Variants in CDC73 observed in about 807,000 individuals in gnomAD.
The protein encoded by CDC73 is parafibromin.
In CDC73, 21 loss-of-function variants were observed where a neutral mutation model predicts 83.7. The ratio of observed to expected loss-of-function variants is 0.25; its 90% confidence interval spans 0.18 to 0.36. CDC73 has a LOEUF of 0.36. CDC73 is among the 10% of genes least tolerant of loss of function. The probability of loss-of-function intolerance (pLI) is 1.00; values close to 1 mark genes in which losing one functional copy is unlikely to be tolerated. For synonymous variants in CDC73, 224 were observed against 212.9 expected, an observed-to-expected ratio of 1.05 and a Z score of -0.45; for missense variants, 342 against 653.3, an observed-to-expected ratio of 0.52 and a Z score of 5.19.
chr1:193,244,701 C>T (rs1677923725), intron 15 of CDC73, among the ~76,000 whole-genome samples: 1 of 152,196 alleles, frequency 6.6e-6, no homozygotes, highest in Non-Finnish European at 1.5e-5. Flanking sequence ...CTTCCTCTCC[C>T]AAATCTTTGC....
chr1:193,243,089 G>A (rs1677890091), intron 15 of CDC73, among the ~76,000 whole-genome samples: 1 of 151,858 alleles, frequency 6.6e-6, no homozygotes. Context: ...GGGATTACAG[G>A]TGCACGCCAC....
chr1:193,172,176 C>T (rs564780482), intron 10 of CDC73, among the ~76,000 whole-genome samples: 10 of 150,868 alleles, frequency 6.6e-5, no homozygotes, highest in Admixed American at 2.6e-4. Flanking sequence ...TCACCCACCT[C>T]GGCCTCCCAA....
chr1:193,140,981 A>G (rs1410541288), intron 6 of CDC73: 2 of 152,252 alleles, frequency 1.3e-5, no homozygotes, highest in Non-Finnish European at 2.9e-5. Context: ...GAGCACTACT[A>G]TAAAGTACCT....
rs1054845852 is a variant in CDC73, at chr1:193,207,903, T to C, written c.1030+4051T>C. 2.0e-5 allele frequency among the ~76,000 whole-genome samples: 3 copies of C among 152,240 alleles called. No homozygotes were observed. In the East Asian group the frequency reaches 5.8e-4, roughly 29 times the overall value. On this transcript the variant is annotated intron_variant, in intron 11 of 16. Transcript: ENST00000367435. Reference sequence around the variant, plus strand: ...TAGGGAAGGAGTACTTCTCCTCTTATCCCATAGTTTTAAATCTATGTGCTG... The same window carrying C: ...TAGGGAAGGAGTACTTCTCCTCTTACCCCATAGTTTTAAATCTATGTGCTG...
At chr1:193,133,801 T>A (rs1488046365) in intron 3 of CDC73, among the ~76,000 whole-genome samples, 2 of 152,124 alleles carry the variant, frequency 1.3e-5, no homozygotes, top group African/African-American at 4.8e-5. Flanking sequence ...GACCAAACAC[T>A]CTATGGATTA....
chr1:193,154,405 T>A (rs1394098933), intron 10 of CDC73, among the ~76,000 whole-genome samples: 1 of 152,212 alleles, frequency 6.6e-6, no homozygotes, highest in Non-Finnish European at 1.5e-5. Context: ...AAGGATAGCT[T>A]CTTTATTGAT....
chr1:193,153,202 A>G (rs1364399994), intron 10 of CDC73, among the ~76,000 whole-genome samples: 3 of 152,204 alleles, frequency 2.0e-5, no homozygotes, highest in African/African-American at 7.2e-5. Context: ...CATGTTTAGC[A>G]AACTTTCTTT....
intron 15 of CDC73, among the ~76,000 whole-genome samples, chr1:193,239,618 GATAC>G (rs2102064972): frequency 6.6e-6 from 1 of 151,590 alleles, no homozygotes; most frequent in Admixed American, 6.6e-5. Context: ...TTTTTTTGTT[GATAC>G]ATAATATTTG....
At chr1:193,245,310 T>C (rs1421902253) in intron 15 of CDC73, among the ~76,000 whole-genome samples, 2 of 152,212 alleles carry the variant, frequency 1.3e-5, no homozygotes, top group Admixed American at 6.5e-5. Flanking sequence ...TATTTTCTGT[T>C]GCACTTTTTA....
At chr1:193,211,151 C>T (rs1344845565) in intron 11 of CDC73, among the ~76,000 whole-genome samples, 1 of 152,166 alleles carries the variant, frequency 6.6e-6, no homozygotes, top group Non-Finnish European at 1.5e-5. Context: ...GCAGGGCATA[C>T]ATTCCAAGAC....
intron 10 of CDC73, among the ~76,000 whole-genome samples, chr1:193,190,072 A>G (rs578068933): frequency 2.0e-4 from 30 of 152,312 alleles, no homozygotes; most frequent in African/African-American, 7.0e-4. Context: ...GTGCTTTATT[A>G]TGAGTGGTTG....
chr1:193,233,045 ACT>A lies in CDC73; in HGVS notation c.1210_1211del (p.Leu404AsnfsTer16). 1 of 1,613,680 alleles carries A rather than the reference ACT, an allele frequency of 6.2e-7. No individual in the cohort carries two copies. Among genetic ancestry groups the A allele is most frequent in the Non-Finnish European group, 8.5e-7 (1 of 1,179,586 alleles). ...ACAAGGTTGTCAACGAGAAAATGAA[ACT>A]CTAATACAAAGAAGAAAAGACCAGA... ...KKQGCQRENE[T>X]LIQRRKDQMQ... On this transcript the variant is annotated frameshift_variant, in exon 14 of 17. Coordinates refer to ENST00000367435, the MANE Select transcript of CDC73 (RefSeq NM_024529.5). LOFTEE classifies it high-confidence loss of function.
At chr1:193,223,474 A>G (rs958132709) in intron 13 of CDC73, among the ~76,000 whole-genome samples, 1 of 152,130 alleles carries the variant, frequency 6.6e-6, no homozygotes, top group African/African-American at 2.4e-5. Flanking sequence ...GGTCAGTTTT[A>G]CCATTTGAGA....
At chr1:193,218,762 A>G (rs574303312) in intron 13 of CDC73, among the ~76,000 whole-genome samples, 6 of 152,332 alleles carry the variant, frequency 3.9e-5, no homozygotes, top group East Asian at 1.9e-4. Flanking sequence ...AATCAACTCA[A>G]GATGGATTAA....
At chr1:193,182,810 G>C (rs1209534856) in intron 10 of CDC73, among the ~76,000 whole-genome samples, 1 of 152,048 alleles carries the variant, frequency 6.6e-6, no homozygotes, top group African/African-American at 2.4e-5. Context: ...AGGGAGTAGA[G>C]GTGGGCAAAG....
chr1:193,123,123 G>C (rs1290046825), intron 1 of CDC73, among the ~76,000 whole-genome samples: 1 of 152,172 alleles, frequency 6.6e-6, no homozygotes, highest in East Asian at 1.9e-4. Context: ...ATCGCTTCTA[G>C]AATTAGAACC....
chr1:193,197,499 A>AT (rs1677021182), intron 10 of CDC73, among the ~76,000 whole-genome samples: 1 of 152,110 alleles, frequency 6.6e-6, no homozygotes, highest in Admixed American at 6.6e-5. Context: ...TGTATTAATA[A>AT]TTTTTTCATT....
intron 2 of CDC73, among the ~76,000 whole-genome samples, chr1:193,125,550 CTG>C (rs1175074600): frequency 1.3e-5 from 2 of 151,904 alleles, no homozygotes; most frequent in Admixed American, 1.3e-4. Flanking sequence ...GCATGAATCA[CTG>C]TGCCTGGCCA....
At chr1:193,235,100 T>C (rs1289415571) in intron 14 of CDC73, among the ~76,000 whole-genome samples, 2 of 152,096 alleles carry the variant, frequency 1.3e-5, no homozygotes, top group Admixed American at 6.6e-5. Flanking sequence ...AGACCTCAGG[T>C]CATTCCTAAG....
Sources: gnomAD v4.1 joint callset for allele counts (sites outside exome capture counted in the v4.1 genomes callset) on GRCh38, gnomAD v4.1.1 for gene constraint, MANE v1.5 for transcripts, NCBI Gene and HGNC (gene_info 2026-07-23, HGNC 2026-07-21) for gene names.